Variants in ATP10D observed in about 807,000 individuals in gnomAD.
The protein encoded by ATP10D is ATPase phospholipid transporting 10D (putative).
ATP10D carries 89 observed loss-of-function variants against 144.8 expected under a neutral mutation model. The observed-to-expected ratio is 0.61, with a 90% confidence interval of 0.52 to 0.73. ATP10D has a LOEUF of 0.73. Among genes scored for constraint, ATP10D ranks in the 30% least tolerant of loss-of-function variants. The pLI is 0.00. For synonymous variants in ATP10D, 571 were observed against 615.1 expected, an observed-to-expected ratio of 0.93 and a Z score of 1.06; for missense variants, 1,603 against 1,714.8, an observed-to-expected ratio of 0.93 and a Z score of 1.15.
At chr4:47,522,783 G>A (rs1199455262) in intron 3 of ATP10D, among the ~76,000 whole-genome samples, 4 of 152,070 alleles carry the variant, frequency 2.6e-5, no homozygotes, top group Non-Finnish European at 5.9e-5. Context: ...TGGCCAGGCT[G>A]GTCTGGAACT....
intron 1 of ATP10D, among the ~76,000 whole-genome samples, chr4:47,504,625 T>G (rs964165703): frequency 1.3e-5 from 2 of 151,912 alleles, no homozygotes; most frequent in South Asian, 2.1e-4. Flanking sequence ...TGCAGTGGCG[T>G]GATCTCGGCT....
intron 15 of ATP10D, among the ~76,000 whole-genome samples, chr4:47,565,151 G>A (rs1269679690): frequency 6.6e-6 from 1 of 152,000 alleles, no homozygotes; most frequent in Non-Finnish European, 1.5e-5. Flanking sequence ...TAGTAGAGAC[G>A]GGGTTTCACC....
chr4:47,588,589 C>T (rs926631873), intron 22 of ATP10D, among the ~76,000 whole-genome samples: 5 of 152,146 alleles, frequency 3.3e-5, no homozygotes, highest in East Asian at 1.9e-4. Flanking sequence ...AAGGTTTGCC[C>T]GCTCTGATCT....
At chr4:47,505,385 A>G (rs563509912) in intron 1 of ATP10D, among the ~76,000 whole-genome samples, 1 of 152,090 alleles carries the variant, frequency 6.6e-6, no homozygotes, top group Admixed American at 6.5e-5. Context: ...AGACATGCAG[A>G]CTCCTGAGCC....
intron 2 of ATP10D, among the ~76,000 whole-genome samples, chr4:47,514,622 G>A (rs1716536393): frequency 6.6e-6 from 1 of 152,210 alleles, no homozygotes; most frequent in Non-Finnish European, 1.5e-5. Context: ...CCATGGAGAA[G>A]TATTTGAATA....
At chr4:47,531,794 G>A (rs1004388472) in intron 5 of ATP10D, among the ~76,000 whole-genome samples, 1 of 152,152 alleles carries the variant, frequency 6.6e-6, no homozygotes. Flanking sequence ...CTGTCTTAGG[G>A]TGCAGCCTAT....
At chr4:47,569,828 G>T (rs1054814198) in intron 16 of ATP10D, among the ~76,000 whole-genome samples, 2 of 152,164 alleles carry the variant, frequency 1.3e-5, no homozygotes, top group Admixed American at 6.5e-5. Flanking sequence ...TCATAAAGGG[G>T]CCATGGGAGA....
chr4:47,523,106 G>T lies in ATP10D; in HGVS notation c.580G>T (p.Val194Leu), dbSNP rs1314340108. ...SCNEVIPADM[V>L]LLFSTDPDGI... The stretch of plus-strand genomic sequence containing the variant: ...CAACGAGGTCATCCCTGCAGACATG[G>T]TACTACTCTTTTCCACTGATCCAGA... The change falls in exon 4 of 23, where the codon GTA (valine) becomes TTA (leucine). Residue 194 changes from valine to leucine, a missense_variant. By Grantham distance (32) the Val-to-Leu change is conservative (BLOSUM62 1). Coordinates refer to ENST00000273859, the MANE Select transcript of ATP10D (RefSeq NM_020453.4). 6.8e-6 allele frequency: 11 copies of T among 1,613,866 alleles called. No individual in the cohort carries two copies. In the South Asian group the frequency reaches 1.2e-4, roughly 18 times the overall value.
intron 1 of ATP10D, among the ~76,000 whole-genome samples, chr4:47,508,111 A>G (rs1407867602): frequency 6.6e-6 from 1 of 152,164 alleles, no homozygotes; most frequent in Non-Finnish European, 1.5e-5. Flanking sequence ...GATTCTTATC[A>G]GGGGGTCTTG....
chr4:47,535,999 GC>G lies in ATP10D; in HGVS notation c.982del (p.Leu328PhefsTer4). Reference sequence around the variant, plus strand: ...ACACAGATGTCCTCTGGTGTGTCATGCTTCTGGTCATAATGTGCTTAACTGG... The same window carrying G: ...ACACAGATGTCCTCTGGTGTGTCATGTTCTGGTCATAATGTGCTTAACTGG... ...ANTDVLWCVM[L>X]LVIMCLTGAV... On this transcript the variant is annotated frameshift_variant, in exon 7 of 23. Transcript: ENST00000273859. LOFTEE classifies it high-confidence loss of function. 6.2e-7 allele frequency: 1 copy of G among 1,612,952 alleles called. No individual in the cohort carries two copies. The highest frequency in any genetic ancestry group is 8.5e-7 in the Non-Finnish European group (1 of 1,179,210).
chr4:47,500,202 A>C (rs1715611449), intron 1 of ATP10D, among the ~76,000 whole-genome samples: 1 of 152,362 alleles, frequency 6.6e-6, no homozygotes, highest in South Asian at 2.1e-4. Flanking sequence ...AAAGACAGAA[A>C]TTTCTACGCT....
Position 47,591,486 on chromosome 4 carries a change from C to T in ATP10D, c.*105C>T. The T allele has an allele frequency of 1.1e-6, 1 of 938,858 alleles. No homozygotes were observed. Among genetic ancestry groups the T allele is most frequent in the Non-Finnish European group, 1.6e-6 (1 of 633,338 alleles). The allele number at this position is 938,858 out of a possible 1,614,324, so 58.2% of individuals were successfully genotyped here. Reference sequence around the variant, plus strand: ...CTTGTTTTTCCATAAGGGACATGAGCATTTTACTAGGCTTGGAAGAGCTGA... The same window carrying T: ...CTTGTTTTTCCATAAGGGACATGAGTATTTTACTAGGCTTGGAAGAGCTGA... On this transcript the variant is annotated 3_prime_UTR_variant, in exon 23 of 23. Coordinates refer to ENST00000273859, the MANE Select transcript of ATP10D (RefSeq NM_020453.4).
At chr4:47,530,697 C>G (rs1039371593) in intron 5 of ATP10D, among the ~76,000 whole-genome samples, 3 of 152,182 alleles carry the variant, frequency 2.0e-5, no homozygotes, top group Non-Finnish European at 4.4e-5. Context: ...CTCAGGTGAT[C>G]TGCCTGCCTT....
intron 1 of ATP10D, among the ~76,000 whole-genome samples, chr4:47,496,601 C>T (rs1715389013): frequency 6.6e-6 from 1 of 152,118 alleles, no homozygotes; most frequent in Non-Finnish European, 1.5e-5. Flanking sequence ...GAATGTATGC[C>T]TTCATTGAGC....
At chr4:47,534,947 G>A (rs1717762005) in intron 5 of ATP10D, among the ~76,000 whole-genome samples, 1 of 152,020 alleles carries the variant, frequency 6.6e-6, no homozygotes, top group South Asian at 2.1e-4. Context: ...TAAAGAAAAT[G>A]TGACTTATGT....
At chr4:47,496,600 C>A (rs1168941283) in intron 1 of ATP10D, among the ~76,000 whole-genome samples, 1 of 152,104 alleles carries the variant, frequency 6.6e-6, no homozygotes, top group Non-Finnish European at 1.5e-5. Context: ...TGAATGTATG[C>A]CTTCATTGAG....
chr4:47,590,913 C>A, intron 22 of ATP10D, 129 bp from the exon 23 acceptor site: 1 of 571,956 alleles, frequency 1.7e-6, no homozygotes, highest in Non-Finnish European at 3.0e-6. Flanking sequence ...CGGTTACCCT[C>A]CCCCTTTATT....
At chr4:47,492,670 C>T (rs1715142061) in intron 1 of ATP10D, among the ~76,000 whole-genome samples, 1 of 152,062 alleles carries the variant, frequency 6.6e-6, no homozygotes, top group Non-Finnish European at 1.5e-5. Flanking sequence ...TAATGCTTCT[C>T]TATGTAATAA....
chr4:47,509,174 C>G (rs573176930), intron 1 of ATP10D, among the ~76,000 whole-genome samples: 3 of 152,266 alleles, frequency 2.0e-5, no homozygotes, highest in African/African-American at 7.2e-5. Flanking sequence ...AATTTTCTAC[C>G]ATAAGATTCT....
Sources: gnomAD v4.1 joint callset for allele counts (sites outside exome capture counted in the v4.1 genomes callset) on GRCh38, gnomAD v4.1.1 for gene constraint, MANE v1.5 for transcripts, NCBI Gene and HGNC (gene_info 2026-07-23, HGNC 2026-07-21) for gene names.